BAZ1B: variants seen among roughly 807,000 people sequenced by gnomAD.
The protein encoded by BAZ1B is bromodomain adjacent to zinc finger domain 1B, also known as tyrosine-protein kinase BAZ1B.
Under a neutral mutation model 153.8 loss-of-function variants are expected in BAZ1B, and 22 were observed. The observed-to-expected ratio is 0.14, with a 90% CI of 0.10 to 0.20. The LOEUF (loss-of-function observed/expected upper bound fraction) is 0.20, where lower values mean the gene tolerates loss of function less well. Ranked by LOEUF, BAZ1B falls within the 10% of genes least tolerant of loss-of-function variation. BAZ1B has a pLI of 1.00. For synonymous variants in BAZ1B, 676 were observed against 633.4 expected (o/e 1.07, Z -1.01); for missense variants, 1,325 against 1,799.3 (o/e 0.74, Z 4.77).
intron 5 of BAZ1B, among the ~76,000 whole-genome samples, chr7:73,490,966 G>A (rs1789616482): frequency 6.6e-6 from 1 of 150,914 alleles, no homozygotes; most frequent in Non-Finnish European, 1.5e-5. Flanking sequence ...GTGAAAAATT[G>A]TATTTAACAA....
intron 13 of BAZ1B, among the ~76,000 whole-genome samples, chr7:73,458,521 C>A (rs560397924): frequency 2.0e-5 from 3 of 151,736 alleles, no homozygotes; most frequent in Admixed American, 2.0e-4. Flanking sequence ...ACAAAAAATA[C>A]AAAAATCAGC....
chr7:73,459,790 T>A, intron 12 of BAZ1B, 72 bp from the exon 13 acceptor site: 1 of 1,340,202 alleles, frequency 7.5e-7, no homozygotes, highest in East Asian at 2.3e-5. Context: ...AACCTCAAAT[T>A]CAAATAAATC....
Position 73,445,868 on chromosome 7 carries a change from C to T in BAZ1B, c.3844+1396G>A, listed in dbSNP as rs549578168. Among the ~76,000 whole-genome samples the T allele has an allele frequency of 7.2e-5, 11 of 152,110 alleles. No individual in the cohort carries two copies. The East Asian group carries it at 7.7e-4, about 11-fold the overall frequency. On this transcript the variant is annotated intron_variant, in intron 16 of 19. Coordinates refer to ENST00000339594, the MANE Select transcript of BAZ1B (RefSeq NM_032408.4). ...AGAGAAAGATACCCATCCCCCGCTCCGCCAAAAAAAATATGTTCCCAAACA... is the reference window on the plus strand; with the variant it reads ...AGAGAAAGATACCCATCCCCCGCTCTGCCAAAAAAAATATGTTCCCAAACA...
chr7:73,472,253 CTTT>C (rs1205328154), intron 7 of BAZ1B, among the ~76,000 whole-genome samples: 2 of 146,600 alleles, frequency 1.4e-5, no homozygotes, highest in Admixed American at 1.4e-4. Context: ...CACAGTTATA[CTTT>C]TTTTTTTTTT....
At chr7:73,516,635 C>T (rs1554579340) in intron 1 of BAZ1B, among the ~76,000 whole-genome samples, 1 of 151,362 alleles carries the variant, frequency 6.6e-6, no homozygotes, top group Non-Finnish European at 1.5e-5. Context: ...AATAGCCAGG[C>T]ATGGTGGCAG....
chr7:73,457,280 C>A (rs1788242236), intron 13 of BAZ1B, among the ~76,000 whole-genome samples: 1 of 152,078 alleles, frequency 6.6e-6, no homozygotes, highest in Admixed American at 6.6e-5. Context: ...TGAGTTCAAG[C>A]AATTCTCCTG....
At chr7:73,520,066 G>A (rs1036511408) in intron 1 of BAZ1B, among the ~76,000 whole-genome samples, 10 of 151,920 alleles carry the variant, frequency 6.6e-5, no homozygotes, top group African/African-American at 2.2e-4. Context: ...AAAGTTAGCC[G>A]GGCGTGGTGG....
chr7:73,499,151 C>T (rs1487127909), intron 3 of BAZ1B, among the ~76,000 whole-genome samples: 8 of 152,096 alleles, frequency 5.3e-5, no homozygotes, highest in African/African-American at 1.2e-4. Context: ...CCTCAGCCTC[C>T]GGAGTAGCTG....
At chr7:73,487,598 T>C (rs981326434) in intron 6 of BAZ1B, among the ~76,000 whole-genome samples, 3 of 152,146 alleles carry the variant, frequency 2.0e-5, no homozygotes, top group African/African-American at 7.2e-5. Context: ...ACTCAAGTAA[T>C]CCAAGAATTA....
At chr7:73,442,604 C>T (rs1787666480) in intron 18 of BAZ1B, 51 bp from the exon 19 acceptor site, 2 of 1,557,542 alleles carry the variant, frequency 1.3e-6, no homozygotes, top group African/African-American at 1.4e-5. Flanking sequence ...CGGCAGTGCC[C>T]CTGCCACTGA....
At position 73,470,276 on chromosome 7, in the gene BAZ1B, GAA is replaced by G. The variant is rs1277999130; in HGVS notation, c.2732+67_2732+68del. ...GAAGCTTGTCTATTCTTGTACTTTA[GAA>G]AATTTTCCTAACTAATAGCAATGTA... On this transcript the variant is annotated intron_variant, in intron 8 of 19. Transcript: ENST00000339594. The G allele has an allele frequency of 1.8e-5, 27 of 1,471,888 alleles. No homozygotes were observed. In the East Asian group the frequency reaches 6.0e-4, roughly 33 times the overall value. The allele number at this position is 1,471,888 out of a possible 1,614,324, so 91.2% of individuals were successfully genotyped here.
Position 73,498,649 on chromosome 7 carries a change from A to G in BAZ1B, c.419T>C (p.Leu140Ser), listed in dbSNP as rs1554576691. Residue 140 changes from leucine (L) to serine (S), a missense_variant, in exon 4 of 20, where the codon TTG becomes TCG. Coordinates refer to ENST00000339594, the MANE Select transcript of BAZ1B (RefSeq NM_032408.4). ...AGTGGCCTCTTCATCCACTTTCTCC[A>G]AAGGATGAATCTTCACAATCTTCAC... is the stretch of plus-strand genomic sequence containing the variant. ...LKVKIVKIHP[L>S]EKVDEEATEK... The G allele has an allele frequency of 6.2e-7, 1 of 1,614,114 alleles. No individual in the cohort carries two copies. The highest frequency in any genetic ancestry group is 8.5e-7 in the Non-Finnish European group (1 of 1,180,010).
At chr7:73,480,083 G>A (rs556906919) in intron 6 of BAZ1B, among the ~76,000 whole-genome samples, 38 of 151,094 alleles carry the variant, frequency 2.5e-4, no homozygotes, top group Non-Finnish European at 4.7e-4. Context: ...GCGTGAACCC[G>A]CAAGGTGGAG....
At chr7:73,461,589 A>G (rs1788398829) in intron 12 of BAZ1B, among the ~76,000 whole-genome samples, 2 of 152,248 alleles carry the variant, frequency 1.3e-5, no homozygotes, top group Admixed American at 1.3e-4. Context: ...AAAGATGTTT[A>G]AATCCTTTTC....
In BAZ1B at chr7:73,476,913, T is replaced by C. The variant is rs2116335938; in HGVS notation, c.2548A>G (p.Ile850Val). The C allele has an allele frequency of 6.2e-7, 1 of 1,608,422 alleles. No homozygotes were observed. Among genetic ancestry groups the C allele is most frequent in the Non-Finnish European group, 8.5e-7 (1 of 1,178,454 alleles). Residue 850 changes from isoleucine (I) to valine (V), a missense_variant, in exon 7 of 20, where the codon ATT (isoleucine) becomes GTT (valine). By Grantham distance (29) the Ile-to-Val change is conservative (BLOSUM62 3). Around this residue, in one of 9 missense-constraint regions of BAZ1B, gnomAD observed 431 missense variants for 563.5 expected, o/e 0.76. Transcript: ENST00000339594. ...SAVKSRRLLA[I>V]QAKKEREIQE... ...ATTTCCCGTTCCTTCTTAGCTTGAA[T>C]GGCAAGCAACCTTCTGCTCTTCACA...
chr7:73,446,452 G>C (rs1787838018), intron 16 of BAZ1B, among the ~76,000 whole-genome samples: 1 of 151,106 alleles, frequency 6.6e-6, no homozygotes, highest in African/African-American at 2.4e-5. Flanking sequence ...AGGTGTGGTG[G>C]TGGGTGTCTG....
chr7:73,511,353 T>C (rs533635283), intron 1 of BAZ1B, among the ~76,000 whole-genome samples: 4 of 151,694 alleles, frequency 2.6e-5, no homozygotes, highest in South Asian at 2.1e-4. Flanking sequence ...TGAGAATGGA[T>C]TGTCATGGGC....
intron 4 of BAZ1B, among the ~76,000 whole-genome samples, chr7:73,494,900 T>A (rs1789813297): frequency 6.6e-6 from 1 of 152,204 alleles, no homozygotes; most frequent in African/African-American, 2.4e-5. Context: ...GTGAGCCAAG[T>A]AAAAGAATGA....
chr7:73,513,574 G>A (rs543371443), intron 1 of BAZ1B, among the ~76,000 whole-genome samples: 1 of 152,112 alleles, frequency 6.6e-6, no homozygotes, highest in African/African-American at 2.4e-5. Flanking sequence ...GCAACGGAAC[G>A]GCTTCCAGAG....
Sources: allele counts gnomAD v4.1 joint callset (sites outside exome capture counted in the v4.1 genomes callset), GRCh38; gene constraint gnomAD v4.1.1; regional missense constraint gnomAD v4.1.1; transcripts MANE v1.5; gene names NCBI Gene and HGNC (gene_info 2026-07-23, HGNC 2026-07-21).